CORO7: variants seen among roughly 807,000 people sequenced by gnomAD.
CORO7 encodes coronin-7.
In CORO7, 107 loss-of-function variants were observed where a neutral mutation model predicts 126.6. That is an observed-to-expected ratio of 0.85 (90% CI 0.72 to 0.99). The LOEUF is 0.99. Among genes scored for constraint, CORO7 ranks in the 50% least tolerant of loss-of-function variants. The pLI is 0.00. For synonymous variants in CORO7, 603 were observed against 536.8 expected (o/e 1.12, Z -1.70); for missense variants, 1,314 against 1,255.8 (o/e 1.05, Z -0.70).
At chr16:4,387,265 G>A (rs539600075) in intron 9 of CORO7, among the ~76,000 whole-genome samples, 33 of 152,066 alleles carry the variant, frequency 2.2e-4, no homozygotes, top group African/African-American at 6.8e-4. Flanking sequence ...GCCTCCTGGT[G>A]TCTGGCTCCT....
At chr16:4,413,729 G>C (rs965133271) in intron 1 of CORO7, among the ~76,000 whole-genome samples, 1 of 151,660 alleles carries the variant, frequency 6.6e-6, no homozygotes, top group Admixed American at 6.6e-5. Context: ...GTAGAGATGG[G>C]GTTTCACCAT....
At position 4,411,761 on chromosome 16, in the gene CORO7, A is replaced by G. The variant is rs567462886; in HGVS notation, c.232+595T>C. On this transcript the variant is annotated intron_variant, in intron 3 of 27. Coordinates refer to ENST00000251166, the MANE Select transcript of CORO7 (RefSeq NM_024535.5). ...AAGCAGCCAGAAATGCAGGCCAGAG[A>G]GACTGGGCCCGCGGCCGCTGCAGCT... Among the ~76,000 whole-genome samples, 5 of 152,120 alleles carry G rather than the reference A, an allele frequency of 3.3e-5. No individual in the cohort carries two copies. The East Asian group carries it at 9.7e-4, about 30-fold the overall frequency.
At chr16:4,398,441 G>A (rs952226480) in intron 6 of CORO7, among the ~76,000 whole-genome samples, 21 of 151,918 alleles carry the variant, frequency 1.4e-4, no homozygotes, top group African/African-American at 4.3e-4. Flanking sequence ...AGGCTGGGGG[G>A]AATCACTTGC....
intron 14 of CORO7, among the ~76,000 whole-genome samples, chr16:4,363,717 A>G (rs1246037504): frequency 6.6e-6 from 1 of 151,114 alleles, no homozygotes; most frequent in African/African-American, 2.4e-5. Flanking sequence ...TCTCAAAAAC[A>G]AAAACAAAAA....
chr16:4,415,680 A>C, intron 1 of CORO7: 4 of 983,892 alleles, frequency 4.1e-6, no homozygotes, highest in Non-Finnish European at 4.8e-6. Context: ...GTCAACTCCT[A>C]GGCCCAGTTA....
intron 6 of CORO7, among the ~76,000 whole-genome samples, chr16:4,405,191 G>A (rs1287798606): frequency 6.6e-6 from 1 of 152,250 alleles, no homozygotes; most frequent in Non-Finnish European, 1.5e-5. Context: ...CAGAAAGGCT[G>A]GCGGTTCAGA....
chr16:4,391,790 G>T (rs953258765), intron 7 of CORO7, among the ~76,000 whole-genome samples: 5 of 152,228 alleles, frequency 3.3e-5, no homozygotes, highest in Non-Finnish European at 7.4e-5. Flanking sequence ...CCTGCATAGG[G>T]GGCAAGAACA....
chr16:4,362,523 C>G lies in CORO7; in HGVS notation c.1402+89G>C, dbSNP rs1257252137. The G allele has an allele frequency of 2.7e-6, 4 of 1,469,402 alleles. No homozygotes were observed. Among genetic ancestry groups the G allele is most frequent in the Non-Finnish European group, 9.0e-7 (1 of 1,111,780 alleles). 91.0% of individuals were successfully genotyped at this position (1,469,402 alleles called of 1,614,324 possible). On this transcript the variant is annotated intron_variant, in intron 15 of 27. Coordinates refer to ENST00000251166, the MANE Select transcript of CORO7 (RefSeq NM_024535.5). This position sits in a 1 kb window ranked among gnomAD's most constrained non-coding sequence, Gnocchi z 5.3. ...GGGGGTGCCCTGCATGAGGCCTGTGCTCAGCAGTAGGGTACACAGGAGGAT... is the reference window on the plus strand; with the variant it reads ...GGGGGTGCCCTGCATGAGGCCTGTGGTCAGCAGTAGGGTACACAGGAGGAT...
chr16:4,383,227 A>C, intron 9 of CORO7: 1 of 312,626 alleles, frequency 3.2e-6, no homozygotes, highest in East Asian at 5.5e-5. Context: ...GGGCTCTCCC[A>C]CTCCAGGCGG....
chr16:4,369,687 C>T (rs2054459623), intron 9 of CORO7, among the ~76,000 whole-genome samples: 1 of 152,204 alleles, frequency 6.6e-6, no homozygotes, highest in Non-Finnish European at 1.5e-5. Flanking sequence ...AGCTGCAAGG[C>T]TCCTCCTCTG....
intron 6 of CORO7, among the ~76,000 whole-genome samples, chr16:4,400,451 T>C (rs931999318): frequency 6.6e-6 from 1 of 152,050 alleles, no homozygotes; most frequent in African/African-American, 2.4e-5. Context: ...CTGACCAACA[T>C]GGAGAAACCC....
chr16:4,401,747 A>G (rs2055816372), intron 6 of CORO7, among the ~76,000 whole-genome samples: 2 of 152,098 alleles, frequency 1.3e-5, no homozygotes, highest in African/African-American at 2.4e-5. Context: ...AGCAAGCGAC[A>G]GAGGCTCTCA....
rs536761334 is a variant in CORO7, at chr16:4,376,527, G to T, written c.786-10982C>A. ...TCTGTCCAAGCCTGTCCCCTACTCAGCAGGCACACCGCCTGCCCCAGAATC... is the reference window on the plus strand; with the variant it reads ...TCTGTCCAAGCCTGTCCCCTACTCATCAGGCACACCGCCTGCCCCAGAATC... On this transcript the variant is annotated intron_variant, in intron 9 of 27. Transcript: ENST00000251166. Among the ~76,000 whole-genome samples the T allele has an allele frequency of 3.3e-5, 5 of 152,292 alleles. No individual in the cohort carries two copies. In the East Asian group the frequency reaches 9.6e-4, roughly 29 times the overall value.
In CORO7 at chr16:4,362,513, G is replaced by A. The variant is rs1008436882; in HGVS notation, c.1402+99C>T. The A allele has an allele frequency of 9.8e-5, 142 of 1,451,156 alleles. No homozygotes were observed. Among genetic ancestry groups the A allele is most frequent in the Non-Finnish European group, 1.2e-4 (129 of 1,102,664 alleles). 89.9% of individuals were successfully genotyped at this position (1,451,156 alleles called of 1,614,324 possible). On this transcript the variant is annotated intron_variant, in intron 15 of 27. Transcript: ENST00000251166. This position sits in a 1 kb window ranked among gnomAD's most constrained non-coding sequence, Gnocchi z 5.3. ...TCTGGGTGAGGGGGGTGCCCTGCATGAGGCCTGTGCTCAGCAGTAGGGTAC... is the reference window on the plus strand; with the variant it reads ...TCTGGGTGAGGGGGGTGCCCTGCATAAGGCCTGTGCTCAGCAGTAGGGTAC...
At chr16:4,415,594 T>C (rs1039529043) in intron 1 of CORO7, 12 of 364,506 alleles carry the variant, frequency 3.3e-5, no homozygotes, top group Non-Finnish European at 4.6e-5. Context: ...AGAGGAAATA[T>C]AGTCCACACT....
At chr16:4,355,393 A>G (rs1021899696) in intron 26 of CORO7, 21 bp from the exon 27 acceptor site, 7 of 1,600,316 alleles carry the variant, frequency 4.4e-6, no homozygotes, top group Non-Finnish European at 5.9e-6. Flanking sequence ...GGGCAGAAGA[A>G]GGGTAGGTAA....
In CORO7 at chr16:4,374,289, C is replaced by T. The variant is rs558090082; in HGVS notation, c.786-8744G>A. Among the ~76,000 whole-genome samples the T allele has an allele frequency of 4.6e-5, 7 of 152,262 alleles. No individual in the cohort carries two copies. In the South Asian group the frequency reaches 8.3e-4, roughly 18 times the overall value. ...TTCCACATTCCAGAGTCAGCCGGAT[C>T]GCTTTCCCTCCGCGCTGGGCCGCCG... On this transcript the variant is annotated intron_variant, in intron 9 of 27. Transcript: ENST00000251166.
At chr16:4,404,281 C>A (rs1352679034) in intron 6 of CORO7, among the ~76,000 whole-genome samples, 1 of 152,146 alleles carries the variant, frequency 6.6e-6, no homozygotes, top group Non-Finnish European at 1.5e-5. Context: ...CCAGAAGGGC[C>A]CTGATGGGTG....
intron 5 of CORO7, among the ~76,000 whole-genome samples, chr16:4,407,105 G>A (rs1452093100): frequency 1.3e-5 from 2 of 151,360 alleles, no homozygotes; most frequent in Admixed American, 6.6e-5. Context: ...GTGCCACCAC[G>A]CCCGGCTAAT....
Sources: allele counts gnomAD v4.1 joint callset (sites outside exome capture counted in the v4.1 genomes callset), GRCh38; gene constraint gnomAD v4.1.1; non-coding constraint Gnocchi (gnomAD v3.1); transcripts MANE v1.5; gene names NCBI Gene and HGNC (gene_info 2026-07-23, HGNC 2026-07-21).